RNF157: variants seen among roughly 807,000 people sequenced by gnomAD.
RNF157 encodes E3 ubiquitin ligase RNF157.
In RNF157, 55 loss-of-function variants were observed where a neutral mutation model predicts 88.3. The ratio of observed to expected loss-of-function variants is 0.62; its 90% CI spans 0.50 to 0.78. The LOEUF (loss-of-function observed/expected upper bound fraction) is 0.78, where lower values mean the gene tolerates loss of function less well. Ranked by LOEUF, RNF157 falls within the 30% of genes least tolerant of loss-of-function variation. The pLI is 0.00. For synonymous variants in RNF157, 334 were observed against 341.2 expected, an observed-to-expected ratio of 0.98 and a Z score of 0.23; for missense variants, 788 against 860.8, an observed-to-expected ratio of 0.92 and a Z score of 1.06.
chr17:76,224,836 C>T (rs759093951), intron 1 of RNF157, among the ~76,000 whole-genome samples: 1 of 152,118 alleles, frequency 6.6e-6, no homozygotes, highest in Non-Finnish European at 1.5e-5. Context: ...GCCCATGGGG[C>T]GTGGGTTGTA....
intron 1 of RNF157, among the ~76,000 whole-genome samples, chr17:76,214,020 T>C (rs2145031394): frequency 6.6e-6 from 1 of 152,258 alleles, no homozygotes; most frequent in African/African-American, 2.4e-5. Context: ...TTTCTCTAGT[T>C]CTGTGAGTCC....
At position 76,225,883 on chromosome 17, in the gene RNF157, G is replaced by A. The variant is rs2070074283; in HGVS notation, c.89-13401C>T. ...TCTTCTTTTCCAGCTCTTTGCACTC[G>A]CCAGTGAGAGCCTCCTGCTCCGCCC... On this transcript the variant is annotated intron_variant, in intron 1 of 18. Transcript: ENST00000269391. 37 of 1,613,266 alleles carry A rather than the reference G, an allele frequency of 2.3e-5. No individual in the cohort carries two copies. In the Admixed American group the frequency reaches 3.3e-4, roughly 15 times the overall value.
At chr17:76,164,719 C>T (rs1175913743) in intron 8 of RNF157, 29 bp downstream of exon 8, 13 of 1,462,354 alleles carry the variant, frequency 8.9e-6, no homozygotes, top group East Asian at 2.3e-5. Context: ...GACCCTAATA[C>T]TAACAGTCTG....
chr17:76,228,324 T>C (rs7225855), intron 1 of RNF157, among the ~76,000 whole-genome samples: 73,727 of 151,896 alleles, frequency 0.49, 18,525 homozygotes, highest in African/African-American at 0.61. Context: ...TTCCTTGTGG[T>C]GCTCTCAGAA....
intron 2 of RNF157, among the ~76,000 whole-genome samples, chr17:76,211,510 T>C (rs1046186642): frequency 6.6e-5 from 10 of 152,352 alleles, no homozygotes; most frequent in South Asian, 2.1e-4. Flanking sequence ...TGAGGAGCAC[T>C]GGAAAGATTA....
intron 18 of RNF157, among the ~76,000 whole-genome samples, chr17:76,148,625 C>A (rs1461519606): frequency 6.7e-6 from 1 of 148,672 alleles, no homozygotes; most frequent in African/African-American, 2.5e-5. Context: ...GGCTGGAGTG[C>A]AGTGGTGTGA....
At chr17:76,155,796 T>C in intron 14 of RNF157, 62 bp from the exon 15 acceptor site, 2 of 1,378,354 alleles carry the variant, frequency 1.5e-6, no homozygotes, top group Non-Finnish European at 1.9e-6. Flanking sequence ...GCAAGCTTTC[T>C]GGGGAGCAGA....
chr17:76,166,424 A>G, intron 6 of RNF157, 37 bp downstream of exon 6: 1 of 1,550,290 alleles, frequency 6.5e-7, no homozygotes, highest in Non-Finnish European at 8.9e-7. Context: ...ACAAAAGAGC[A>G]GTGTGCACAG....
chr17:76,201,501 G>A (rs999080130), intron 2 of RNF157, among the ~76,000 whole-genome samples: 12 of 151,606 alleles, frequency 7.9e-5, no homozygotes, highest in Middle Eastern at 3.2e-3. Flanking sequence ...GACAGAACAA[G>A]CTTATTTCTA....
intron 1 of RNF157, among the ~76,000 whole-genome samples, chr17:76,226,977 A>G (rs1466894665): frequency 6.6e-6 from 1 of 152,224 alleles, no homozygotes; most frequent in Non-Finnish European, 1.5e-5. Flanking sequence ...ATGCTGCCGC[A>G]GGCACTGCTG....
At chr17:76,172,686 A>G (rs1253156187) in intron 3 of RNF157, among the ~76,000 whole-genome samples, 1 of 151,108 alleles carries the variant, frequency 6.6e-6, no homozygotes, top group Non-Finnish European at 1.5e-5. Flanking sequence ...GAAACATTGT[A>G]ATGCTAATAA....
chr17:76,194,257 T>G (rs565030456), intron 2 of RNF157, among the ~76,000 whole-genome samples: 1 of 152,198 alleles, frequency 6.6e-6, no homozygotes, highest in South Asian at 2.1e-4. Flanking sequence ...CTGGCAACCA[T>G]TGATCTATTT....
At position 76,225,426 on chromosome 17, in the gene RNF157, T is replaced by G. The variant is rs941723014; in HGVS notation, c.89-12944A>C. ...TTAACCCTACTCCATAAGAAGTAAC[T>G]CCACTATTCACAATTGGGTGTGGCC... On this transcript the variant is annotated intron_variant, in intron 1 of 18. Transcript: ENST00000269391. 4.6e-5 allele frequency among the ~76,000 whole-genome samples: 7 copies of G among 152,190 alleles called. 1 individual carries two copies. The highest frequency in any genetic ancestry group is 1.3e-4 in the Admixed American group (2 of 15,276).
intron 3 of RNF157, among the ~76,000 whole-genome samples, chr17:76,168,464 T>G (rs1055898488): frequency 3.3e-5 from 5 of 151,992 alleles, no homozygotes; most frequent in Non-Finnish European, 5.9e-5. Flanking sequence ...TAGTTTCCTA[T>G]GTACTCATCA....
rs955905173 is a variant in RNF157, at chr17:76,175,694, A to G, written c.208-1904T>C. 55 of 930,904 alleles carry G rather than the reference A, an allele frequency of 5.9e-5. No homozygotes were observed. In the South Asian group the frequency reaches 5.9e-4, roughly 10 times the overall value. The allele number at this position is 930,904 out of a possible 1,614,324, so 57.7% of individuals were successfully genotyped here. A position where few individuals can be genotyped will look rare whatever the true frequency, so the allele number is the denominator to read the frequency against. On this transcript the variant is annotated intron_variant, in intron 2 of 18. Coordinates refer to ENST00000269391, the MANE Select transcript of RNF157 (RefSeq NM_052916.3). ...GATTAAAATTTTTTTCTGGAGTAGCAAAGTTAATCATTTTCATTTGTACAG... is the reference window on the plus strand; with the variant it reads ...GATTAAAATTTTTTTCTGGAGTAGCGAAGTTAATCATTTTCATTTGTACAG...
chr17:76,160,002 T>TA lies in RNF157; in HGVS notation c.1066-430dup, dbSNP rs1355417670. On this transcript the variant is annotated intron_variant, in intron 11 of 18. Coordinates refer to ENST00000269391, the MANE Select transcript of RNF157 (RefSeq NM_052916.3). The surrounding 1 kb of genome is among the most constrained non-coding windows in gnomAD (Gnocchi z 4.3). ...TATTATACTTTCCTCTTTAAAAAAA[T>TA]AGAGATGGGATCTCACTATGTTGCC... Among the ~76,000 whole-genome samples the TA allele has an allele frequency of 3.3e-5, 5 of 152,214 alleles. No individual in the cohort carries two copies. The highest frequency in any genetic ancestry group is 2.0e-4 in the Admixed American group (3 of 15,280).
rs983127857 is a variant in RNF157 at position 76,146,917 on chromosome 17, G to T, written c.1922-1564C>A. On this transcript the variant is annotated intron_variant, in intron 18 of 18. Coordinates refer to ENST00000269391, the MANE Select transcript of RNF157 (RefSeq NM_052916.3). This position sits in a 1 kb window ranked among gnomAD's most constrained non-coding sequence, Gnocchi z 4.2. ...GCCCAGGACATGAAACCCTTTAATGGCATGTAGAGTCAACAGGTATAAATG... is the reference window on the plus strand; with the variant it reads ...GCCCAGGACATGAAACCCTTTAATGTCATGTAGAGTCAACAGGTATAAATG... 6 of 985,298 alleles carry T rather than the reference G, an allele frequency of 6.1e-6. No homozygotes were observed. In the African/African-American group the frequency reaches 8.7e-5, roughly 14 times the overall value. 61.0% of individuals were successfully genotyped at this position (985,298 alleles called of 1,614,324 possible).
intron 1 of RNF157, among the ~76,000 whole-genome samples, chr17:76,218,054 G>C (rs1000520031): frequency 4.6e-5 from 7 of 151,998 alleles, no homozygotes; most frequent in African/African-American, 1.5e-4. Flanking sequence ...TGGTTACTAT[G>C]ATTAAATTTA....
rs2070357426 is a variant in RNF157, at chr17:76,240,268, G to A, written c.-28C>T. 2 of 1,094,302 alleles carry A rather than the reference G, an allele frequency of 1.8e-6. No homozygotes were observed. The highest frequency in any genetic ancestry group is 2.2e-6 in the Non-Finnish European group (2 of 892,810). 67.8% of individuals were successfully genotyped at this position (1,094,302 alleles called of 1,614,324 possible). A position where few individuals can be genotyped will look rare whatever the true frequency, so the allele number is the denominator to read the frequency against. On this transcript the variant is annotated 5_prime_UTR_variant, in exon 1 of 19. Transcript: ENST00000269391. The surrounding 1 kb of genome is among the most constrained non-coding windows in gnomAD (Gnocchi z 4.4). The stretch of plus-strand genomic sequence containing the variant: ...CCGCTGCGGCTGCAGCCCCGGCCCG[G>A]CCCCGGTGCCCGCGCCGCCCTCCGC...
Sources: gnomAD v4.1 joint callset for allele counts (sites outside exome capture counted in the v4.1 genomes callset) on GRCh38, gnomAD v4.1.1 for gene constraint, Gnocchi (gnomAD v3.1) non-coding constraint, MANE v1.5 for transcripts, NCBI Gene and HGNC (gene_info 2026-07-23, HGNC 2026-07-21) for gene names.